PRKACB: variants seen among roughly 807,000 people sequenced by gnomAD.
PRKACB encodes the protein cAMP-dependent protein kinase catalytic subunit beta.
A neutral mutation model predicts 51.4 loss-of-function variants in PRKACB; 16 were observed. That is an observed-to-expected ratio of 0.31 (90% CI 0.21 to 0.47). PRKACB has a LOEUF of 0.47. Ranked by LOEUF, PRKACB falls within the 20% of genes least tolerant of loss-of-function variation. PRKACB has a pLI of 1.00. For missense variants in PRKACB, 309 were observed against 464.5 expected, an observed-to-expected ratio of 0.67 and a Z score of 3.08; for synonymous variants, 147 against 154.4, an observed-to-expected ratio of 0.95 and a Z score of 0.35.
intron 3 of PRKACB, among the ~76,000 whole-genome samples, chr1:84,182,539 A>G (rs1450573885): frequency 1.3e-5 from 2 of 152,034 alleles, no homozygotes; most frequent in Non-Finnish European, 2.9e-5. Context: ...TTCCACGTCC[A>G]TGGATTTAAC....
chr1:84,145,720 T>C (rs918695601), intron 1 of PRKACB, among the ~76,000 whole-genome samples: 10 of 152,064 alleles, frequency 6.6e-5, no homozygotes, highest in Admixed American at 4.6e-4. Flanking sequence ...TGAATATATA[T>C]CTTCAAGTTA....
intron 1 of PRKACB, among the ~76,000 whole-genome samples, chr1:84,131,353 A>G (rs1172842730): frequency 6.6e-6 from 1 of 151,902 alleles, no homozygotes; most frequent in East Asian, 1.9e-4. Context: ...TCAAAAAAAA[A>G]AAAATTAATT....
At chr1:84,080,565 G>A (rs1239086857) in intron 1 of PRKACB, among the ~76,000 whole-genome samples, 1 of 152,160 alleles carries the variant, frequency 6.6e-6, no homozygotes, top group Non-Finnish European at 1.5e-5. Flanking sequence ...GTTGATTAAT[G>A]TTTGTAATTT....
chr1:84,081,870 T>C lies in PRKACB; in HGVS notation c.46+3499T>C, dbSNP rs1258924679. ...ATGACTGCAAGTCGTAAAGTTACCA[T>C]GTGACCTAGTGTTCGCATATGATCT... On this transcript the variant is annotated intron_variant, in intron 1 of 8. Transcript: ENST00000370688. Among the ~76,000 whole-genome samples, 6 of 152,322 alleles carry C rather than the reference T, an allele frequency of 3.9e-5. No homozygotes were observed. The South Asian group carries it at 1.2e-3, about 32-fold the overall frequency.
In PRKACB at chr1:84,118,687, A is replaced by G. The variant is rs1450400775; in HGVS notation, c.46+40316A>G. Among the ~76,000 whole-genome samples the G allele has an allele frequency of 2.0e-5, 3 of 152,126 alleles. No homozygotes were observed. In the East Asian group the frequency reaches 5.8e-4, roughly 29 times the overall value. The stretch of plus-strand genomic sequence containing the variant: ...GTGAAATAACAGCTCCCCACCAAGG[A>G]CACTGACCTTTGAAACACAGCATCA... On this transcript the variant is annotated intron_variant, in intron 1 of 8. Transcript: ENST00000370688.
At chr1:84,171,792 G>A (rs1174698500) in intron 1 of PRKACB, among the ~76,000 whole-genome samples, 1 of 151,484 alleles carries the variant, frequency 6.6e-6, no homozygotes, top group Non-Finnish European at 1.5e-5. Flanking sequence ...CTACCAATGT[G>A]ATTTCAGAAT....
rs1449049390 is a variant in PRKACB at position 84,201,082 on chromosome 1, A to G, written c.784-1601A>G. ...AGCATATATTCCCAGAAGTAGAATTACTGGGTCAAGGAATAGGAACATTTT... is the reference window on the plus strand; with the variant it reads ...AGCATATATTCCCAGAAGTAGAATTGCTGGGTCAAGGAATAGGAACATTTT... On this transcript the variant is annotated intron_variant, in intron 7 of 9. Transcript: ENST00000370685. Among the ~76,000 whole-genome samples, 5 of 152,130 alleles carry G rather than the reference A, an allele frequency of 3.3e-5. No individual in the cohort carries two copies. In the East Asian group the frequency reaches 7.7e-4, roughly 23 times the overall value.
intron 1 of PRKACB, among the ~76,000 whole-genome samples, chr1:84,108,117 T>C (rs1649931161): frequency 6.6e-6 from 1 of 152,060 alleles, no homozygotes; most frequent in Non-Finnish European, 1.5e-5. Flanking sequence ...AAAATGTACA[T>C]ATACACCATG....
intron 7 of PRKACB, among the ~76,000 whole-genome samples, chr1:84,200,857 C>T (rs1229210451): frequency 6.6e-6 from 1 of 151,996 alleles, no homozygotes; most frequent in Non-Finnish European, 1.5e-5. Flanking sequence ...ATAGTCTTGT[C>T]TCTGACTTTT....
chr1:84,167,271 T>G (rs1657811605), intron 1 of PRKACB, among the ~76,000 whole-genome samples: 1 of 151,588 alleles, frequency 6.6e-6, no homozygotes, highest in Non-Finnish European at 1.5e-5. Flanking sequence ...ATGAAAACTT[T>G]CAGTTACTCC....
chr1:84,124,283 A>C (rs980271406), intron 1 of PRKACB, among the ~76,000 whole-genome samples: 1 of 152,226 alleles, frequency 6.6e-6, no homozygotes, highest in Admixed American at 6.5e-5. Flanking sequence ...ATTGAACTAC[A>C]CTTTGATTAA....
chr1:84,173,210 A>G (rs1660112112), intron 1 of PRKACB: 2 of 636,008 alleles, frequency 3.1e-6, no homozygotes, highest in Non-Finnish European at 5.0e-6. Flanking sequence ...TGTATGTTCA[A>G]TTGTTTTATC....
At chr1:84,086,319 C>T (rs1023904600) in intron 1 of PRKACB, 1 of 849,106 alleles carries the variant, frequency 1.2e-6, no homozygotes. Context: ...CTGTCTGGCC[C>T]CTGGGGCCCA....
At chr1:84,150,155 G>A (rs1654659051) in intron 1 of PRKACB, among the ~76,000 whole-genome samples, 1 of 152,032 alleles carries the variant, frequency 6.6e-6, no homozygotes. Context: ...GCGCACACCT[G>A]TAATCCCAGC....
chr1:84,154,341 GTTTTC>G (rs1480809997), intron 1 of PRKACB, among the ~76,000 whole-genome samples: 1 of 151,984 alleles, frequency 6.6e-6, no homozygotes, highest in East Asian at 1.9e-4. Flanking sequence ...TCTGTCGACT[GTTTTC>G]TTTTTGCACA....
chr1:84,169,124 A>C (rs763589728), intron 1 of PRKACB, among the ~76,000 whole-genome samples: 7 of 151,786 alleles, frequency 4.6e-5, no homozygotes, highest in Middle Eastern at 3.4e-3. Context: ...TGAATGAATA[A>C]AAAAGAAAAG....
chr1:84,101,169 A>G lies in PRKACB; in HGVS notation c.46+22798A>G, dbSNP rs1450017077. 3.3e-5 allele frequency among the ~76,000 whole-genome samples: 5 copies of G among 152,296 alleles called. No homozygotes were observed. In the East Asian group the frequency reaches 9.7e-4, roughly 29 times the overall value. ...GGCTGGCTAGGTAAGTCTAAAATCTATAGGGCAATCTGCAATGAAGGGCAA... is the reference window on the plus strand; with the variant it reads ...GGCTGGCTAGGTAAGTCTAAAATCTGTAGGGCAATCTGCAATGAAGGGCAA... On this transcript the variant is annotated intron_variant, in intron 1 of 8. Coordinates refer to the PRKACB transcript ENST00000370688.
chr1:84,149,643 G>A (rs1053345928), intron 1 of PRKACB, among the ~76,000 whole-genome samples: 1 of 152,000 alleles, frequency 6.6e-6, no homozygotes, highest in Non-Finnish European at 1.5e-5. Context: ...ATACTATTTT[G>A]TATTAAATCA....
intron 9 of PRKACB, among the ~76,000 whole-genome samples, chr1:84,214,725 C>T (rs1368062274): frequency 2.6e-5 from 4 of 151,998 alleles, no homozygotes; most frequent in Non-Finnish European, 5.9e-5. Flanking sequence ...GAACTCCTGA[C>T]CTCAAGTGAT....
Sources: gnomAD v4.1 joint callset for allele counts (sites outside exome capture counted in the v4.1 genomes callset) on GRCh38, gnomAD v4.1.1 for gene constraint, MANE v1.5 for transcripts, NCBI Gene and HGNC (gene_info 2026-07-23, HGNC 2026-07-21) for gene names.